Variants in DLGAP1 observed in about 807,000 individuals in gnomAD.
The protein encoded by DLGAP1 is DLG associated protein 1.
Under a neutral mutation model 90.8 loss-of-function variants are expected in DLGAP1, and 11 were observed. The observed-to-expected ratio is 0.12, with a 90% CI of 0.08 to 0.20. The LOEUF is 0.20. Among genes scored for constraint, DLGAP1 ranks in the 10% least tolerant of loss-of-function variants. DLGAP1 has a pLI of 1.00. For synonymous variants in DLGAP1, 558 were observed against 540.7 expected, an observed-to-expected ratio of 1.03 and a Z score of -0.44; for missense variants, 1,050 against 1,333.8, an observed-to-expected ratio of 0.79 and a Z score of 3.31.
In DLGAP1 at chr18:4,106,125, G is replaced by T. The variant is rs574763910; in HGVS notation, c.-159+45055C>A. On this transcript the variant is annotated intron_variant, in intron 2 of 12. Coordinates refer to ENST00000315677, the MANE Select transcript of DLGAP1 (RefSeq NM_004746.4). ...TTTTTGTTTTGTTTTGTTTTAAGAA[G>T]TAGCAGTTGGTAACTGTCTCTAGCT... is the stretch of plus-strand genomic sequence containing the variant. 9.3e-5 allele frequency among the ~76,000 whole-genome samples: 14 copies of T among 149,752 alleles called. No individual in the cohort carries two copies. The South Asian group carries it at 3.0e-3, about 32-fold the overall frequency.
intron 3 of DLGAP1, among the ~76,000 whole-genome samples, chr18:3,907,752 C>T (rs569040768): frequency 1.3e-5 from 2 of 152,146 alleles, no homozygotes; most frequent in Middle Eastern, 3.2e-3. Flanking sequence ...ATAGAAGACT[C>T]GAAGGCCAGG....
chr18:3,938,856 C>CTGGAAACA (rs2072701795), intron 3 of DLGAP1, among the ~76,000 whole-genome samples: 1 of 152,106 alleles, frequency 6.6e-6, no homozygotes. Context: ...GTGGACAAGA[C>CTGGAAACA]TGGAAACAAA....
chr18:3,931,574 C>T (rs1255867739), intron 3 of DLGAP1, among the ~76,000 whole-genome samples: 2 of 152,064 alleles, frequency 1.3e-5, no homozygotes, highest in Admixed American at 6.6e-5. Context: ...TTAATTAATT[C>T]ATTAATTATG....
intron 2 of DLGAP1, among the ~76,000 whole-genome samples, chr18:4,019,039 A>G (rs2074567218): frequency 6.6e-6 from 1 of 152,230 alleles, no homozygotes; most frequent in African/African-American, 2.4e-5. Flanking sequence ...TTTCAAAATT[A>G]ATGACTCTTC....
chr18:3,783,936 T>A, intron 5 of DLGAP1, among the ~76,000 whole-genome samples: 1 of 152,160 alleles, frequency 6.6e-6, no homozygotes, highest in East Asian at 1.9e-4. Context: ...GAAACCGATG[T>A]TTAAGCACTG....
chr18:4,400,071 A>G (rs9947344), intron 1 of DLGAP1, among the ~76,000 whole-genome samples: 14,576 of 151,950 alleles, frequency 0.096, 1,275 homozygotes, highest in African/African-American at 0.24. Context: ...CCTGCACCAC[A>G]TGTTCCCCCA....
At chr18:4,344,312 G>T (rs542231920) in intron 1 of DLGAP1, among the ~76,000 whole-genome samples, 1 of 152,246 alleles carries the variant, frequency 6.6e-6, no homozygotes, top group African/African-American at 2.4e-5. Context: ...ATTGAGAAAA[G>T]TTAGGTAATT....
intron 1 of DLGAP1, among the ~76,000 whole-genome samples, chr18:4,209,162 A>C (rs1015836464): frequency 6.6e-6 from 1 of 152,148 alleles, no homozygotes; most frequent in African/African-American, 2.4e-5. Context: ...CAGCAACAGA[A>C]GGCAGGGGAC....
chr18:4,052,501 G>A (rs2075149686), intron 2 of DLGAP1, among the ~76,000 whole-genome samples: 1 of 152,062 alleles, frequency 6.6e-6, no homozygotes, highest in African/African-American at 2.4e-5. Context: ...CCCGAGGCTG[G>A]GCACAGCATG....
chr18:3,600,179 G>T lies in DLGAP1; in HGVS notation c.1592-17931C>A, dbSNP rs117190643. ...ATCCTTCTGACATTGTCTCCTGTTGGAGTTCTGGATGTTCATTAGTTCATC... is the reference window on the plus strand; with the variant it reads ...ATCCTTCTGACATTGTCTCCTGTTGTAGTTCTGGATGTTCATTAGTTCATC... On this transcript the variant is annotated intron_variant, in intron 7 of 12. Transcript: ENST00000315677. Among the ~76,000 whole-genome samples the T allele has an allele frequency of 9.2e-4, 140 of 152,298 alleles. 1 individual carries two copies. The East Asian group carries it at 0.022, about 24-fold the overall frequency.
At chr18:4,414,294 T>C (rs528747529) in intron 1 of DLGAP1, among the ~76,000 whole-genome samples, 28 of 152,342 alleles carry the variant, frequency 1.8e-4, no homozygotes, top group Admixed American at 4.6e-4. Context: ...AAGATGAAAT[T>C]GTTTTGTTTT....
chr18:3,516,251 ATT>A (rs1004903842), intron 10 of DLGAP1, among the ~76,000 whole-genome samples: 2 of 151,224 alleles, frequency 1.3e-5, no homozygotes, highest in African/African-American at 4.9e-5. Context: ...ATTTTTTCAA[ATT>A]TTTTTGGGTG....
intron 3 of DLGAP1, chr18:3,896,041 T>C (rs909622010): frequency 6.6e-6 from 1 of 152,216 alleles, no homozygotes; most frequent in Non-Finnish European, 1.5e-5. Context: ...TTTTTGAATC[T>C]AGAAAAAATA....
intron 2 of DLGAP1, among the ~76,000 whole-genome samples, chr18:4,114,174 T>C (rs141991461): frequency 3.1e-4 from 47 of 151,734 alleles, no homozygotes; most frequent in Admixed American, 2.6e-3. Context: ...ATTAGTTTGA[T>C]AGGAATAGTG....
chr18:4,181,221 C>A (rs2077202567), intron 1 of DLGAP1, among the ~76,000 whole-genome samples: 1 of 152,080 alleles, frequency 6.6e-6, no homozygotes. Context: ...GAATTAGACT[C>A]CTGTTATTTC....
intron 4 of DLGAP1, among the ~76,000 whole-genome samples, chr18:3,860,220 T>C (rs1433291668): frequency 6.6e-6 from 1 of 152,232 alleles, no homozygotes; most frequent in Non-Finnish European, 1.5e-5. Context: ...AAAACCCTGA[T>C]AAGTGAAACT....
chr18:4,065,004 T>C (rs534455745), intron 2 of DLGAP1, among the ~76,000 whole-genome samples: 1 of 152,152 alleles, frequency 6.6e-6, no homozygotes, highest in East Asian at 1.9e-4. Context: ...TTCATCCCCA[T>C]GATGCAAGGC....
chr18:3,530,117 C>G (rs192459897), intron 10 of DLGAP1, among the ~76,000 whole-genome samples: 1 of 152,262 alleles, frequency 6.6e-6, no homozygotes, highest in East Asian at 1.9e-4. Context: ...TGTTGAAAGC[C>G]AGCCAGGAGC....
At chr18:3,648,908 GTTATGGTGC>G (rs2059207127) in intron 7 of DLGAP1, among the ~76,000 whole-genome samples, 1 of 152,198 alleles carries the variant, frequency 6.6e-6, no homozygotes, top group South Asian at 2.1e-4. Context: ...TGAAGGGTAG[GTTATGGTGC>G]TTGGGATGCA....
Sources: allele counts gnomAD v4.1 joint callset (sites outside exome capture counted in the v4.1 genomes callset), GRCh38; gene constraint gnomAD v4.1.1; transcripts MANE v1.5; gene names NCBI Gene and HGNC (gene_info 2026-07-23, HGNC 2026-07-21).